CACNA1H: variants seen among roughly 807,000 people sequenced by gnomAD.
CACNA1H encodes the protein voltage-dependent T-type calcium channel subunit alpha-1H.
Under a neutral mutation model 192.5 loss-of-function variants are expected in CACNA1H, and 149 were observed. That is an observed-to-expected ratio of 0.77 (90% confidence interval 0.68 to 0.89). The LOEUF (loss-of-function observed/expected upper bound fraction) is 0.89. Ranked by LOEUF, CACNA1H falls within the 40% of genes least tolerant of loss-of-function variation. The probability of loss-of-function intolerance (pLI) is 0.00; values close to 1 mark genes in which losing one functional copy is unlikely to be tolerated. For synonymous variants in CACNA1H, 2,202 were observed against 1,475.2 expected (o/e 1.49, Z -11.29); for missense variants, 4,257 against 3,423.5 (o/e 1.24, Z -6.08).
intron 27 of CACNA1H, among the ~76,000 whole-genome samples, chr16:1,214,723 C>T (rs1018333676): frequency 2.6e-5 from 4 of 152,094 alleles, no homozygotes; most frequent in African/African-American, 7.2e-5. Flanking sequence ...CAGTGGCATT[C>T]AGCTGGTCTT....
chr16:1,212,320 G>A (rs1464938117), intron 25 of CACNA1H, 182 bp downstream of exon 25: 24 of 1,136,520 alleles, frequency 2.1e-5, no homozygotes, highest in East Asian at 2.6e-5. Flanking sequence ...CGGGGAGCCC[G>A]CCATGGCAGG....
chr16:1,213,891 ACGT>A lies in CACNA1H; in HGVS notation c.4891_4893del (p.Val1631del). The A allele has an allele frequency of 1.9e-6, 3 of 1,612,024 alleles. No homozygotes were observed. Among genetic ancestry groups the A allele is most frequent in the Non-Finnish European group, 2.5e-6 (3 of 1,179,440 alleles). ...TTCATCACCTTCATCATCTGTGTCAACGTCATCACCATGTCCATGGAGCACTAT... is the reference window on the plus strand; with the variant it reads ...TTCATCACCTTCATCATCTGTGTCAACATCACCATGTCCATGGAGCACTAT... On this transcript the variant is annotated inframe_deletion, in exon 27 of 35. Transcript: ENST00000348261.
intron 17 of CACNA1H, 105 bp from the exon 18 acceptor site, chr16:1,209,930 G>C (rs1969222080): frequency 1.2e-6 from 1 of 815,258 alleles, no homozygotes. Flanking sequence ...GATGGAGAAG[G>C]CTGAGAAGGT....
At chr16:1,174,636 G>A (rs1209229300) in intron 2 of CACNA1H, among the ~76,000 whole-genome samples, 1 of 152,176 alleles carries the variant, frequency 6.6e-6, no homozygotes, top group Non-Finnish European at 1.5e-5. Flanking sequence ...GAACACAGCA[G>A]AACAGCGTGT....
intron 2 of CACNA1H, among the ~76,000 whole-genome samples, chr16:1,189,684 A>G (rs1209810971): frequency 2.0e-5 from 3 of 151,804 alleles, no homozygotes; most frequent in Non-Finnish European, 2.9e-5. Context: ...CAGCCTCCCA[A>G]AGTGCTGGGA....
At chr16:1,204,503 C>A in intron 10 of CACNA1H, 45 bp downstream of exon 10, 1 of 1,462,518 alleles carries the variant, frequency 6.8e-7, no homozygotes, top group Non-Finnish European at 9.2e-7. Flanking sequence ...GTCAGGCTTG[C>A]AGGGCCTGGG....
chr16:1,185,444 T>TC (rs542675574), intron 2 of CACNA1H, among the ~76,000 whole-genome samples: 39 of 151,134 alleles, frequency 2.6e-4, no homozygotes, highest in Admixed American at 1.1e-3. Flanking sequence ...CTGGACGGTG[T>TC]CTGTGGGTCC....
chr16:1,160,130 C>T (rs1037564632), intron 2 of CACNA1H: 1 of 152,302 alleles, frequency 6.6e-6, no homozygotes, highest in African/African-American at 2.4e-5. Flanking sequence ...GAACGCGTTA[C>T]CTTTGTTTAT....
chr16:1,196,527 C>G (rs1378976522), intron 5 of CACNA1H, among the ~76,000 whole-genome samples: 1 of 152,236 alleles, frequency 6.6e-6, no homozygotes, highest in African/African-American at 2.4e-5. Context: ...GCCACTGCTT[C>G]TGGCCCCTAC....
rs1387430774 is a variant in CACNA1H at position 1,153,430 on chromosome 16, C to T, written c.-59C>T. ...CGGGGTCCGCGGTGACCGCGCCGCC[C>T]GGGCGATGCCCGCGGGGACGCCGCC... On this transcript the variant is annotated 5_prime_UTR_variant, in exon 1 of 35. Transcript: ENST00000348261. 3 of 151,106 alleles carry T rather than the reference C, an allele frequency of 2.0e-5. No homozygotes were observed. The highest frequency in any genetic ancestry group is 1.9e-4 in the East Asian group (1 of 5,204). 9.4% of individuals were successfully genotyped at this position (151,106 alleles called of 1,614,324 possible). A position where few individuals can be genotyped will look rare whatever the true frequency, so the allele number is the denominator to read the frequency against.
At chr16:1,218,710 G>A (rs1433229377) in intron 33 of CACNA1H, 59 bp downstream of exon 33, 13 of 1,434,654 alleles carry the variant, frequency 9.1e-6, no homozygotes, top group Non-Finnish European at 1.2e-5. Flanking sequence ...GAGGAAGATG[G>A]GGGCAGGTGG....
rs987712309 is a variant in CACNA1H at position 1,220,896 on chromosome 16, C to G, written c.6964C>G (p.Arg2322Gly). 3 of 1,611,744 alleles carry G rather than the reference C, an allele frequency of 1.9e-6. No homozygotes were observed. Among genetic ancestry groups the G allele is most frequent in the Non-Finnish European group, 1.7e-6 (2 of 1,179,006 alleles). ...MPVGDPPEKR[R>G]GLYLTVPQCP... ...CGTCGGTGACCCCCCAGAGAAGAGGCGGGGGCTGTACCTCACAGTCCCCCA... is the reference window on the plus strand; with the variant it reads ...CGTCGGTGACCCCCCAGAGAAGAGGGGGGGGCTGTACCTCACAGTCCCCCA... Residue 2322 changes from arginine to glycine, a missense_variant, in exon 35 of 35, where the codon CGG becomes GGG. Physicochemically the swap from Arg to Gly is moderately radical, Grantham distance 125. Transcript: ENST00000348261.
intron 2 of CACNA1H, among the ~76,000 whole-genome samples, chr16:1,186,808 G>A (rs530952583): frequency 1.6e-4 from 24 of 152,312 alleles, no homozygotes; most frequent in East Asian, 5.8e-4. Context: ...CAAGCAGTGC[G>A]CCCTGGTTCT....
In CACNA1H at chr16:1,221,017, G is replaced by A. The variant is rs778630186; in HGVS notation, c.*23G>A. 125 of 1,530,166 alleles carry A rather than the reference G, an allele frequency of 8.2e-5. No homozygotes were observed. The highest frequency in any genetic ancestry group is 1.2e-4 in the South Asian group (9 of 77,330). The allele number at this position is 1,530,166 out of a possible 1,614,324, so 94.8% of individuals were successfully genotyped here. Reference sequence around the variant, plus strand: ...TAGCTCGGGGCTTGGTGCCGCCCACGGCTTTGGCCCTGGGGTCTGGGGGCC... The same window carrying A: ...TAGCTCGGGGCTTGGTGCCGCCCACAGCTTTGGCCCTGGGGTCTGGGGGCC... On this transcript the variant is annotated 3_prime_UTR_variant, in exon 35 of 35. Transcript: ENST00000348261.
chr16:1,218,243 C>T lies in CACNA1H; in HGVS notation c.5479C>T (p.His1827Tyr), dbSNP rs77104261. The change falls in exon 33 of 35, where the codon CAC becomes TAC. Residue 1827 changes from histidine (H) to tyrosine (Y), a missense_variant. His to Tyr is a moderately conservative substitution (Grantham distance 83). Coordinates refer to ENST00000348261, the MANE Select transcript of CACNA1H (RefSeq NM_021098.3). Reference protein sequence around the residue: ...TLRECSREDKHCLSYLPALSP... With the variant: ...TLRECSREDKYCLSYLPALSP... ...GCGCGAGTGCTCCCGTGAGGACAAG[C>T]ACTGCCTGAGCTACCTGCCGGCCCT... 235 of 1,550,564 alleles carry T rather than the reference C, an allele frequency of 1.5e-4. 2 individuals carry two copies. The East Asian group carries it at 5.6e-3, about 37-fold the overall frequency.
rs940648782 is a variant in CACNA1H, at chr16:1,205,960, C to T, written c.2604-144C>T. The T allele has an allele frequency of 9.3e-6, 7 of 752,622 alleles. No homozygotes were observed. In the African/African-American group the frequency reaches 1.2e-4, roughly 13 times the overall value. The allele number at this position is 752,622 out of a possible 1,614,324, so 46.6% of individuals were successfully genotyped here. On this transcript the variant is annotated intron_variant, in intron 11 of 34. Coordinates refer to ENST00000348261, the MANE Select transcript of CACNA1H (RefSeq NM_021098.3). The stretch of plus-strand genomic sequence containing the variant: ...GGTGCTTCCGCAGCTGTTCATGCAC[C>T]TTGATGCAGCCATACCCTCTCCCAT...
At position 1,169,213 on chromosome 16, in the gene CACNA1H, ACG is replaced by A. The variant is rs530709344; in HGVS notation, c.299+15178_299+15179del. 5.0e-3 allele frequency among the ~76,000 whole-genome samples: 749 copies of A among 150,840 alleles called. 12 individuals carry two copies. Among genetic ancestry groups the A allele is most frequent in the African/African-American group, 0.018 (710 of 40,512 alleles). On this transcript the variant is annotated intron_variant, in intron 2 of 34. Coordinates refer to ENST00000348261, the MANE Select transcript of CACNA1H (RefSeq NM_021098.3). Reference sequence around the variant, plus strand: ...GGCTTGCTGGGGGTCTTAGCCTGGAACGTGGACGTGGACGTGGACGGGCTTCC... The same window carrying A: ...GGCTTGCTGGGGGTCTTAGCCTGGAATGGACGTGGACGTGGACGGGCTTCC...
chr16:1,210,893 C>T lies in CACNA1H; in HGVS notation c.4145C>T (p.Ala1382Val), dbSNP rs566220434. The change falls in exon 21 of 35, where the codon GCC becomes GTC. Residue 1382 changes from alanine (A) to valine (V), a missense_variant. Ala to Val is a moderately conservative substitution (Grantham distance 64). Coordinates refer to ENST00000348261, the MANE Select transcript of CACNA1H (RefSeq NM_021098.3). ...GTGTCCCTGGTGGACATTGTCGTGG[C>T]CATGGCCTCGGCTGGTGGCGCCAAG... is the stretch of plus-strand genomic sequence containing the variant. ...VLVSLVDIVVAMASAGGAKIL... is the reference protein window; with the variant it reads ...VLVSLVDIVVVMASAGGAKIL... The T allele has an allele frequency of 2.5e-6, 4 of 1,604,864 alleles. No homozygotes were observed. Among genetic ancestry groups the T allele is most frequent in the African/African-American group, 2.7e-5 (2 of 74,930 alleles).
intron 2 of CACNA1H, among the ~76,000 whole-genome samples, chr16:1,184,900 T>G (rs1425108581): frequency 2.0e-5 from 3 of 152,266 alleles, no homozygotes; most frequent in Non-Finnish European, 2.9e-5. Flanking sequence ...TTAGCCATTT[T>G]TTTTTTACTT....
Sources: gnomAD v4.1 joint callset for allele counts (sites outside exome capture counted in the v4.1 genomes callset) on GRCh38, gnomAD v4.1.1 for gene constraint, MANE v1.5 for transcripts, NCBI Gene and HGNC (gene_info 2026-07-23, HGNC 2026-07-21) for gene names.